Variants in HERC2 observed in about 807,000 individuals in gnomAD.
HERC2 encodes the protein E3 ubiquitin-protein ligase HERC2.
Under a neutral mutation model 537.7 loss-of-function variants are expected in HERC2, and 102 were observed. The observed-to-expected ratio is 0.19, with a 90% confidence interval of 0.16 to 0.22. The LOEUF (loss-of-function observed/expected upper bound fraction) is 0.22. Ranked by LOEUF, HERC2 falls within the 10% of genes least tolerant of loss-of-function variation. HERC2 has a pLI of 1.00. For synonymous variants in HERC2, 2,224 were observed against 2,466.2 expected, an observed-to-expected ratio of 0.90 and a Z score of 2.91; for missense variants, 4,236 against 6,198.2, an observed-to-expected ratio of 0.68 and a Z score of 10.63.
At chr15:28,187,978 G>A (rs1359387911) in intron 55 of HERC2, among the ~76,000 whole-genome samples, 4 of 152,114 alleles carry the variant, frequency 2.6e-5, no homozygotes, top group African/African-American at 7.2e-5. Flanking sequence ...ACTTTTTATT[G>A]CCTAAACGAC....
At position 28,111,655 on chromosome 15, in the gene HERC2, G is replaced by T; in HGVS notation, c.*108C>A. 2 of 1,231,676 alleles carry T rather than the reference G, an allele frequency of 1.6e-6. No homozygotes were observed. Among genetic ancestry groups the T allele is most frequent in the Non-Finnish European group, 2.3e-6 (2 of 874,054 alleles). The allele number at this position is 1,231,676 out of a possible 1,614,324, so 76.3% of individuals were successfully genotyped here. On this transcript the variant is annotated 3_prime_UTR_variant, in exon 93 of 93. Coordinates refer to ENST00000261609, the MANE Select transcript of HERC2 (RefSeq NM_004667.6). Reference sequence around the variant, plus strand: ...TCCACTCCCTCCTCCCGCCTGGCTCGAGGACGGACGCTTCTCATCAGACAC... The same window carrying T: ...TCCACTCCCTCCTCCCGCCTGGCTCTAGGACGGACGCTTCTCATCAGACAC...
At position 28,182,305 on chromosome 15, in the gene HERC2, T is replaced by A; in HGVS notation, c.8937+96A>T. On this transcript the variant is annotated intron_variant, in intron 57 of 92. Coordinates refer to ENST00000261609, the MANE Select transcript of HERC2 (RefSeq NM_004667.6). ...TCTTTTAGTTCGTGTAAAGAAACAA[T>A]ACAACATATAGAGAGTAAAGTTATT... The A allele has an allele frequency of 5.6e-6, 4 of 717,786 alleles. No individual in the cohort carries two copies. The South Asian group carries it at 7.4e-5, about 13-fold the overall frequency. The allele number at this position is 717,786 out of a possible 1,614,324, so 44.5% of individuals were successfully genotyped here. A position where few individuals can be genotyped will look rare whatever the true frequency, so the allele number is the denominator to read the frequency against.
At chr15:28,224,091 T>A (rs1444481430) in intron 35 of HERC2, among the ~76,000 whole-genome samples, 1 of 150,440 alleles carries the variant, frequency 6.6e-6, no homozygotes, top group East Asian at 1.9e-4. Flanking sequence ...CATATTAAAA[T>A]ATATATTTAA....
At chr15:28,305,823 A>G (rs1410366833) in intron 2 of HERC2, among the ~76,000 whole-genome samples, 1 of 150,382 alleles carries the variant, frequency 6.6e-6, no homozygotes, top group Non-Finnish European at 1.5e-5. Context: ...AACTCAAACA[A>G]ATTTACAAGA....
rs201509405 is a variant in HERC2 at position 28,230,487 on chromosome 15, T to C, written c.4689A>G (p.Pro1563=). 4.9e-4 allele frequency: 622 copies of C among 1,265,024 alleles called. 1 individual carries two copies. In the East Asian group the frequency reaches 9.5e-3, roughly 19 times the overall value. 78.4% of individuals were successfully genotyped at this position (1,265,024 alleles called of 1,614,324 possible). ...TTTTTTCTTCATCATCCGTAGATTC[T>C]GGCTTCTTAGGAACTGTGTTTTAAA... ...ERRKKRVPKK[P]ESTDDEEKIG... Residue 1563 remains proline (P), a synonymous_variant, in exon 31 of 93, where the codon CCA becomes CCG. Transcript: ENST00000261609.
intron 35 of HERC2, among the ~76,000 whole-genome samples, chr15:28,226,778 T>C (rs1901221834): frequency 6.6e-6 from 1 of 152,182 alleles, no homozygotes; most frequent in Admixed American, 6.5e-5. Flanking sequence ...AAAACTTCTC[T>C]ATCAAAGGAA....
intron 12 of HERC2, among the ~76,000 whole-genome samples, chr15:28,266,491 G>C (rs1174849494): frequency 6.6e-6 from 1 of 151,868 alleles, no homozygotes; most frequent in African/African-American, 2.4e-5. Flanking sequence ...CTCCACCTTG[G>C]GTAACAAGAA....
intron 56 of HERC2, among the ~76,000 whole-genome samples, chr15:28,185,647 A>G (rs1378639440): frequency 6.6e-6 from 1 of 152,204 alleles, no homozygotes; most frequent in Non-Finnish European, 1.5e-5. Flanking sequence ...CTTCGCAGAT[A>G]TCATTCTCCT....
intron 4 of HERC2, among the ~76,000 whole-genome samples, chr15:28,290,589 G>C (rs1231680020): frequency 6.6e-6 from 1 of 152,202 alleles, no homozygotes; most frequent in African/African-American, 2.4e-5. Context: ...TGGGGCTTCA[G>C]ACAAGCCTCA....
chr15:28,146,611 CCA>C, intron 70 of HERC2, among the ~76,000 whole-genome samples: 1 of 151,716 alleles, frequency 6.6e-6, no homozygotes, highest in African/African-American at 2.4e-5. Context: ...CCTACTGCAA[CCA>C]CACTCCCCTG....
chr15:28,314,962 C>T (rs1421170300), intron 2 of HERC2, among the ~76,000 whole-genome samples: 1 of 152,122 alleles, frequency 6.6e-6, no homozygotes, highest in Non-Finnish European at 1.5e-5. Flanking sequence ...TCTCGCAGGA[C>T]AATAGCCAAG....
At chr15:28,210,859 T>C (rs1899128055) in intron 44 of HERC2, 143 bp downstream of exon 44, 5 of 742,964 alleles carry the variant, frequency 6.7e-6, no homozygotes, top group Non-Finnish European at 1.2e-5. Flanking sequence ...TTATTCACAG[T>C]TGGTGGTTGC....
Position 28,292,997 on chromosome 15 carries a change from T to C in HERC2, c.213A>G (p.Thr71=). ...CTTTGTCATTCAGATCTTCTTTCTT[T>C]GTTCCACTTGGTTCGACACTATCAT... ...RKDDSVEPSG[T]KKEDLNDKEK... The change falls in exon 4 of 93, where the codon ACA becomes ACG. Residue 71 remains threonine (T), a synonymous_variant. Coordinates refer to ENST00000261609, the MANE Select transcript of HERC2 (RefSeq NM_004667.6). 1.2e-6 allele frequency: 2 copies of C among 1,611,006 alleles called. No homozygotes were observed. The highest frequency in any genetic ancestry group is 8.5e-7 in the Non-Finnish European group (1 of 1,179,614).
intron 48 of HERC2, among the ~76,000 whole-genome samples, chr15:28,200,782 T>G (rs1019418902): frequency 6.9e-6 from 1 of 145,222 alleles, no homozygotes; most frequent in African/African-American, 2.6e-5. Context: ...AACAGAAATG[T>G]CATTATGTTA....
chr15:28,208,584 C>G (rs1898744719), intron 44 of HERC2, among the ~76,000 whole-genome samples: 2 of 152,292 alleles, frequency 1.3e-5, no homozygotes, highest in African/African-American at 4.8e-5. Context: ...TCACCCTGGT[C>G]TCCCAGGTAC....
chr15:28,163,076 GCCCT>G lies in HERC2; in HGVS notation c.10746+14_10746+17del. 3.1e-6 allele frequency: 5 copies of G among 1,595,830 alleles called. No homozygotes were observed. Among genetic ancestry groups the G allele is most frequent in the Non-Finnish European group, 4.3e-6 (5 of 1,172,384 alleles). ...GGAGGAGGTGGAATCAGACGGCCCC[GCCCT>G]CCCTGAGACTCACCTGTGGGTAGGC... On this transcript the variant is annotated intron_variant, in intron 69 of 92. Transcript: ENST00000261609.
intron 17 of HERC2, among the ~76,000 whole-genome samples, chr15:28,256,524 A>G (rs2140899524): frequency 6.6e-6 from 1 of 152,280 alleles, no homozygotes; most frequent in Non-Finnish European, 1.5e-5. Flanking sequence ...CCCACTATGA[A>G]CATGTTTATG....
rs2075547912 is a variant in HERC2 at position 28,265,770 on chromosome 15, G to A, written c.1757-39C>T. 3.1e-6 allele frequency: 5 copies of A among 1,614,034 alleles called. No individual in the cohort carries two copies. The highest frequency in any genetic ancestry group is 3.4e-6 in the Non-Finnish European group (4 of 1,180,000). On this transcript the variant is annotated intron_variant, in intron 13 of 92. Transcript: ENST00000261609. The surrounding 1 kb of genome is among the most constrained non-coding windows in gnomAD (Gnocchi z 4.0). ...GGACGGCGGTTACTAAGTCCTGTAAGAGGCCACCTCCTGCTGCATGCTCCC... is the reference window on the plus strand; with the variant it reads ...GGACGGCGGTTACTAAGTCCTGTAAAAGGCCACCTCCTGCTGCATGCTCCC...
intron 5 of HERC2, among the ~76,000 whole-genome samples, chr15:28,277,846 G>T (rs1260104323): frequency 2.0e-5 from 3 of 152,094 alleles, no homozygotes; most frequent in African/African-American, 7.2e-5. Context: ...ATCTGTAGGG[G>T]ATTGGTACCA....
Sources: allele counts gnomAD v4.1 joint callset (sites outside exome capture counted in the v4.1 genomes callset), GRCh38; gene constraint gnomAD v4.1.1; non-coding constraint Gnocchi (gnomAD v3.1); transcripts MANE v1.5; gene names NCBI Gene and HGNC (gene_info 2026-07-23, HGNC 2026-07-21).